GRIK1: variants seen among roughly 807,000 people sequenced by gnomAD.
GRIK1 encodes glutamate ionotropic receptor kainate type subunit 1, also known as glutamate receptor ionotropic, kainate 1.
In GRIK1, 69 loss-of-function variants were observed where a neutral mutation model predicts 105.7. The ratio of observed to expected loss-of-function variants is 0.65; its 90% CI spans 0.54 to 0.80. The LOEUF (loss-of-function observed/expected upper bound fraction) is 0.80. Ranked by LOEUF, GRIK1 falls within the 30% of genes least tolerant of loss-of-function variation. GRIK1 has a pLI of 0.00. For synonymous variants in GRIK1, 438 were observed against 431.3 expected, an observed-to-expected ratio of 1.02 and a Z score of -0.19; for missense variants, 1,109 against 1,167.3, an observed-to-expected ratio of 0.95 and a Z score of 0.73.
intron 1 of GRIK1, among the ~76,000 whole-genome samples, chr21:29,782,357 A>T: frequency 6.6e-6 from 1 of 152,142 alleles, no homozygotes; most frequent in East Asian, 1.9e-4. Context: ...AAGTGTTGGG[A>T]TTACAGGCCA....
In GRIK1 at chr21:29,658,086, G is replaced by A. The variant is rs540642977; in HGVS notation, c.727-3223C>T. Among the ~76,000 whole-genome samples, 5 of 152,128 alleles carry A rather than the reference G, an allele frequency of 3.3e-5. No homozygotes were observed. In the South Asian group the frequency reaches 6.2e-4, roughly 19 times the overall value. On this transcript the variant is annotated intron_variant, in intron 4 of 17. Coordinates refer to ENST00000327783, the MANE Select transcript of GRIK1 (RefSeq NM_001330994.2). ...TACTTTATTAGGGCGGTATTGCTAG[G>A]AACCATCTCTGGCTTTACTTAATTG... is the stretch of plus-strand genomic sequence containing the variant.
At chr21:29,657,624 C>T (rs1159646394) in intron 4 of GRIK1, 1 of 152,160 alleles carries the variant, frequency 6.6e-6, no homozygotes, top group East Asian at 1.9e-4. Flanking sequence ...AATTAAGAAA[C>T]GAGTCCAGTC....
chr21:29,903,022 G>C (rs374019357), intron 1 of GRIK1, among the ~76,000 whole-genome samples: 2 of 145,594 alleles, frequency 1.4e-5, no homozygotes, highest in African/African-American at 5.3e-5. Flanking sequence ...ACACATACAA[G>C]CAATGGGGAA....
intron 4 of GRIK1, among the ~76,000 whole-genome samples, chr21:29,655,071 A>G (rs773214379): frequency 1.3e-4 from 20 of 152,214 alleles, no homozygotes; most frequent in Non-Finnish European, 2.4e-4. Flanking sequence ...TCCATTACAC[A>G]CTGCTTGACC....
chr21:29,731,395 T>C (rs1052292042), intron 1 of GRIK1, among the ~76,000 whole-genome samples: 1 of 152,222 alleles, frequency 6.6e-6, no homozygotes, highest in Admixed American at 6.5e-5. Flanking sequence ...CACATCCACC[T>C]CTTGGTAGCC....
At chr21:29,910,360 T>C (rs1289679215) in intron 1 of GRIK1, among the ~76,000 whole-genome samples, 2 of 152,124 alleles carry the variant, frequency 1.3e-5, no homozygotes, top group African/African-American at 4.8e-5. Context: ...TGTTCACACT[T>C]ATATCTCAGG....
At chr21:29,604,914 G>T (rs1023584127) in intron 7 of GRIK1, among the ~76,000 whole-genome samples, 3 of 152,132 alleles carry the variant, frequency 2.0e-5, no homozygotes, top group Non-Finnish European at 1.5e-5. Context: ...GATATTTATT[G>T]TCCAAATTAA....
rs2146645392 is a variant in GRIK1 at position 29,673,031 on chromosome 21, A to G, written c.678T>C (p.Tyr226=). Residue 226 remains tyrosine (Y), a synonymous_variant, in exon 4 of 18, where the codon TAT becomes TAC. Transcript: ENST00000327783. ...LKEMKKGKEF[Y]VIFDCSHETA... ...TTTCATGTGAACAATCAAATATCAC[A>G]TAGAACTCCTTGCCTTTCTTCATCT... 1 of 1,613,644 alleles carries G rather than the reference A, an allele frequency of 6.2e-7. No homozygotes were observed. The highest frequency in any genetic ancestry group is 8.5e-7 in the Non-Finnish European group (1 of 1,179,606).
chr21:29,931,510 A>T (rs1430131956), intron 1 of GRIK1, among the ~76,000 whole-genome samples: 1 of 152,144 alleles, frequency 6.6e-6, no homozygotes, highest in Non-Finnish European at 1.5e-5. Context: ...GCTAACCTGG[A>T]TCCCCTGGCT....
intron 1 of GRIK1, among the ~76,000 whole-genome samples, chr21:29,706,438 A>G (rs1300220161): frequency 6.6e-6 from 1 of 152,160 alleles, no homozygotes; most frequent in African/African-American, 2.4e-5. Flanking sequence ...TGTATTTACT[A>G]TTGTTCATAA....
chr21:29,540,084 C>T (rs1036138988), intron 16 of GRIK1, among the ~76,000 whole-genome samples: 11 of 152,182 alleles, frequency 7.2e-5, no homozygotes, highest in African/African-American at 2.7e-4. Flanking sequence ...AAATGAATCT[C>T]TGACTGTGAC....
intron 1 of GRIK1, among the ~76,000 whole-genome samples, chr21:29,811,969 C>T (rs1055658708): frequency 1.3e-5 from 2 of 152,090 alleles, no homozygotes; most frequent in Admixed American, 1.3e-4. Context: ...ATGTCATCTC[C>T]CTGGAGAACT....
chr21:29,734,873 A>G (rs2064748327), intron 1 of GRIK1, among the ~76,000 whole-genome samples: 1 of 152,138 alleles, frequency 6.6e-6, no homozygotes, highest in African/African-American at 2.4e-5. Flanking sequence ...CTCACACATC[A>G]GAGAACCTGC....
chr21:29,746,586 T>C (rs377754446), intron 1 of GRIK1, among the ~76,000 whole-genome samples: 1 of 152,240 alleles, frequency 6.6e-6, no homozygotes. Flanking sequence ...TCATAAATGT[T>C]CACTCAAGAG....
intron 1 of GRIK1, among the ~76,000 whole-genome samples, chr21:29,818,368 G>A (rs2067209083): frequency 6.6e-6 from 1 of 152,054 alleles, no homozygotes; most frequent in African/African-American, 2.4e-5. Flanking sequence ...AAAGGAGCCA[G>A]ATTTTTAGTC....
At chr21:29,882,177 C>T (rs1173200368) in intron 1 of GRIK1, among the ~76,000 whole-genome samples, 2 of 152,100 alleles carry the variant, frequency 1.3e-5, no homozygotes, top group South Asian at 2.1e-4. Flanking sequence ...AGAGATGGGA[C>T]TTTTGGGTGG....
chr21:29,607,600 C>A (rs1024592055), intron 7 of GRIK1, among the ~76,000 whole-genome samples: 3 of 152,070 alleles, frequency 2.0e-5, no homozygotes, highest in African/African-American at 7.2e-5. Context: ...TGTAAAAATG[C>A]AAGTTCATGT....
intron 1 of GRIK1, among the ~76,000 whole-genome samples, chr21:29,763,212 G>T (rs1334744749): frequency 1.3e-5 from 2 of 152,140 alleles, no homozygotes; most frequent in African/African-American, 2.4e-5. Flanking sequence ...AGATCTGATG[G>T]TTTTATAAGT....
chr21:29,563,994 C>T (rs1159140479), intron 14 of GRIK1, among the ~76,000 whole-genome samples: 1 of 152,078 alleles, frequency 6.6e-6, no homozygotes, highest in African/African-American at 2.4e-5. Flanking sequence ...TGATTTTAAT[C>T]TCATTTGATC....
Sources: gnomAD v4.1 joint callset for allele counts (sites outside exome capture counted in the v4.1 genomes callset) on GRCh38, gnomAD v4.1.1 for gene constraint, MANE v1.5 for transcripts, NCBI Gene and HGNC (gene_info 2026-07-23, HGNC 2026-07-21) for gene names.